Variants in ADARB2 observed in about 807,000 individuals in gnomAD.
ADARB2 encodes the protein inactive double-stranded RNA-specific editase B2.
In ADARB2, 25 loss-of-function variants were observed where a neutral mutation model predicts 62.2. That is an observed-to-expected ratio of 0.40 (90% confidence interval 0.29 to 0.56). ADARB2 has a LOEUF of 0.56. ADARB2 is among the 20% of genes least tolerant of loss of function. ADARB2 has a pLI of 0.43. For synonymous variants in ADARB2, 572 were observed against 500.8 expected (o/e 1.14, Z -1.90); for missense variants, 1,071 against 1,077.4 (o/e 0.99, Z 0.08).
intron 4 of ADARB2, among the ~76,000 whole-genome samples, chr10:1,246,709 G>T (rs1830989146): frequency 7.7e-6 from 1 of 130,548 alleles, no homozygotes; most frequent in Non-Finnish European, 1.6e-5. Context: ...CTCTGTTTTG[G>T]TACCAGTACC....
chr10:1,362,675 G>A (rs1483050932), intron 3 of ADARB2, among the ~76,000 whole-genome samples: 3 of 152,076 alleles, frequency 2.0e-5, no homozygotes, highest in Admixed American at 2.0e-4. Context: ...TGGAAAACTT[G>A]ACCCCAATTT....
intron 1 of ADARB2, among the ~76,000 whole-genome samples, chr10:1,655,744 G>A (rs1434119044): frequency 1.3e-5 from 2 of 152,188 alleles, no homozygotes; most frequent in East Asian, 3.8e-4. Context: ...GCTTTCAGGA[G>A]TAAGTTCATG....
At chr10:1,437,998 C>T (rs867244287) in intron 1 of ADARB2, among the ~76,000 whole-genome samples, 3 of 152,204 alleles carry the variant, frequency 2.0e-5, no homozygotes, top group Non-Finnish European at 2.9e-5. Context: ...TCATGAGAAC[C>T]GCTTCGTCCC....
At chr10:1,220,848 T>A (rs1402015749) in intron 6 of ADARB2, among the ~76,000 whole-genome samples, 1 of 152,232 alleles carries the variant, frequency 6.6e-6, no homozygotes, top group Non-Finnish European at 1.5e-5. Flanking sequence ...AGGGAGGCCC[T>A]GCTTTAATTA....
chr10:1,294,032 G>A (rs1400124949), intron 3 of ADARB2, among the ~76,000 whole-genome samples: 1 of 152,204 alleles, frequency 6.6e-6, no homozygotes. Flanking sequence ...AAAAAACTTA[G>A]AGCAAGCTCA....
chr10:1,694,604 T>C (rs1468860784), intron 1 of ADARB2, among the ~76,000 whole-genome samples: 2 of 152,244 alleles, frequency 1.3e-5, no homozygotes, highest in African/African-American at 2.4e-5. Context: ...CTGACTCACC[T>C]TATTCTTGGT....
Position 1,447,547 on chromosome 10 carries a change from A to ATT in ADARB2, c.101-68389_101-68388dup, listed in dbSNP as rs5782580. ...TTTGAGTGAAGACAGATCATATGTA[A>ATT]TTTTTTTTTTGTGTTTGTTTTGTTT... is the stretch of plus-strand genomic sequence containing the variant. On this transcript the variant is annotated intron_variant, in intron 1 of 9. Coordinates refer to ENST00000381312, the MANE Select transcript of ADARB2 (RefSeq NM_018702.4). 4.3e-4 allele frequency among the ~76,000 whole-genome samples: 64 copies of ATT among 149,458 alleles called. 1 individual carries two copies. Among genetic ancestry groups the ATT allele is most frequent in the African/African-American group, 1.6e-3 (64 of 40,890 alleles).
intron 1 of ADARB2, among the ~76,000 whole-genome samples, chr10:1,476,488 G>A (rs1043151361): frequency 2.0e-5 from 3 of 152,226 alleles, no homozygotes; most frequent in South Asian, 2.1e-4. Context: ...TCCTGAAGAC[G>A]CCTGGGCTGC....
chr10:1,608,408 T>C (rs1224948604), intron 1 of ADARB2, among the ~76,000 whole-genome samples: 1 of 150,948 alleles, frequency 6.6e-6, no homozygotes, highest in Non-Finnish European at 1.5e-5. Context: ...ATGAAAGAAC[T>C]CTACCACTCT....
At chr10:1,470,799 G>A (rs1221114839) in intron 1 of ADARB2, among the ~76,000 whole-genome samples, 1 of 152,152 alleles carries the variant, frequency 6.6e-6, no homozygotes, top group East Asian at 1.9e-4. Context: ...AGCACTTTGG[G>A]AGGCTAATCC....
chr10:1,577,981 A>G (rs1833042663), intron 1 of ADARB2, among the ~76,000 whole-genome samples: 1 of 152,224 alleles, frequency 6.6e-6, no homozygotes, highest in Non-Finnish European at 1.5e-5. Flanking sequence ...GAGAAGCCTT[A>G]GGCAGAGCCA....
intron 1 of ADARB2, among the ~76,000 whole-genome samples, chr10:1,701,293 A>G (rs867243862): frequency 4.3e-3 from 1 of 234 alleles, no homozygotes; most frequent in African/African-American, 5.0e-3. Flanking sequence ...GGGAGACCAG[A>G]CGCTAGTCAA....
intron 1 of ADARB2, among the ~76,000 whole-genome samples, chr10:1,719,679 C>A (rs1258599058): frequency 6.6e-6 from 1 of 152,064 alleles, no homozygotes; most frequent in East Asian, 1.9e-4. Context: ...TATAAGGAAC[C>A]TAAATAAATC....
At position 1,537,643 on chromosome 10, in the gene ADARB2, G is replaced by A. The variant is rs111526830; in HGVS notation, c.101-158483C>T. ...AATACTATGCAGCCATAAAAAGGAA[G>A]GAGCTCATGTCCTTTGCAGGGAGAT... On this transcript the variant is annotated intron_variant, in intron 1 of 9. Coordinates refer to ENST00000381312, the MANE Select transcript of ADARB2 (RefSeq NM_018702.4). Among the ~76,000 whole-genome samples, 1,254 of 152,286 alleles carry A rather than the reference G, an allele frequency of 8.2e-3. 6 individuals are homozygous for A. The highest frequency in any genetic ancestry group is 0.029 in the African/African-American group (1,185 of 41,548).
rs1439880822 is a variant in ADARB2, at chr10:1,181,578, C to A, written c.*1615G>T. 3.3e-5 allele frequency: 5 copies of A among 152,286 alleles called. No homozygotes were observed. In the East Asian group the frequency reaches 9.6e-4, roughly 29 times the overall value. 9.4% of individuals were successfully genotyped at this position (152,286 alleles called of 1,614,324 possible). A position where few individuals can be genotyped will look rare whatever the true frequency, so the allele number is the denominator to read the frequency against. On this transcript the variant is annotated 3_prime_UTR_variant, in exon 10 of 10. Coordinates refer to ENST00000381312, the MANE Select transcript of ADARB2 (RefSeq NM_018702.4). ...ATCTCTACTTCTTATTATCTTGTAA[C>A]AAATAGCTACAACTCAGTTTCATTT...
intron 1 of ADARB2, among the ~76,000 whole-genome samples, chr10:1,583,545 A>G (rs34184780): frequency 6.6e-6 from 1 of 152,010 alleles, no homozygotes; most frequent in African/African-American, 2.4e-5. Context: ...CGAATCATGT[A>G]CAAGATATGA....
chr10:1,607,009 T>A (rs1029899630), intron 1 of ADARB2, among the ~76,000 whole-genome samples: 1 of 152,136 alleles, frequency 6.6e-6, no homozygotes, highest in Non-Finnish European at 1.5e-5. Flanking sequence ...GGAGTGAGGA[T>A]TTTTAACAAC....
chr10:1,332,502 G>C (rs1470152797), intron 3 of ADARB2, among the ~76,000 whole-genome samples: 12 of 119,896 alleles, frequency 1.0e-4, no homozygotes, highest in Non-Finnish European at 2.0e-4. Context: ...TTTTGCCATC[G>C]AACAGGTGTT....
chr10:1,372,234 C>T (rs1460794090), intron 2 of ADARB2, among the ~76,000 whole-genome samples: 1 of 152,234 alleles, frequency 6.6e-6, no homozygotes, highest in Admixed American at 6.5e-5. Flanking sequence ...ACTGCATGTT[C>T]TCACTTATGA....
Sources: allele counts gnomAD v4.1 joint callset (sites outside exome capture counted in the v4.1 genomes callset), GRCh38; gene constraint gnomAD v4.1.1; transcripts MANE v1.5; gene names NCBI Gene and HGNC (gene_info 2026-07-23, HGNC 2026-07-21).